The following RBMS3 variants were observed in gnomAD, a reference collection of about 807,000 sequenced individuals.
The protein encoded by RBMS3 is RNA-binding motif, single-stranded-interacting protein 3.
Under a neutral mutation model 66.8 loss-of-function variants are expected in RBMS3, and 27 were observed. The observed-to-expected ratio is 0.40, with a 90% CI of 0.30 to 0.56. The LOEUF is 0.56. RBMS3 is among the 20% of genes least tolerant of loss of function. The pLI, the probability that RBMS3 is intolerant of heterozygous loss-of-function variation, is 0.40. For missense variants in RBMS3, 513 were observed against 549.5 expected (o/e 0.93, Z 0.66); for synonymous variants, 188 against 183.0 (o/e 1.03, Z -0.22).
At chr3:29,832,901 C>T (rs2058411293) in intron 6 of RBMS3, among the ~76,000 whole-genome samples, 1 of 152,158 alleles carries the variant, frequency 6.6e-6, no homozygotes, top group South Asian at 2.1e-4. Context: ...TAATATACCA[C>T]TATGGACAGC....
At chr3:29,841,497 T>C (rs2058663571) in intron 6 of RBMS3, among the ~76,000 whole-genome samples, 1 of 152,014 alleles carries the variant, frequency 6.6e-6, no homozygotes, top group Admixed American at 6.6e-5. Flanking sequence ...CATCCAGATA[T>C]AGACAGGCTA....
In RBMS3 at chr3:29,487,346, G is replaced by T. The variant is rs79988291; in HGVS notation, c.249-1095G>T. Among the ~76,000 whole-genome samples the T allele has an allele frequency of 8.5e-4, 129 of 152,148 alleles. 1 individual carries two copies. The highest frequency in any genetic ancestry group is 2.9e-3 in the African/African-American group (122 of 41,532). On this transcript the variant is annotated intron_variant, in intron 2 of 14. Transcript: ENST00000383767. ...GAAACAAACAAAAAAGCTTCGAACAGGTGAGTATCTGTACAACTAGGTAGA... is the reference window on the plus strand; with the variant it reads ...GAAACAAACAAAAAAGCTTCGAACATGTGAGTATCTGTACAACTAGGTAGA...
At chr3:29,366,120 TAAAG>T (rs151297546) in intron 1 of RBMS3, among the ~76,000 whole-genome samples, 1,612 of 152,336 alleles carry the variant, frequency 0.011, 26 homozygotes, top group African/African-American at 0.036. Context: ...TTGAGACAGA[TAAAG>T]AAATCCTTCT....
At chr3:29,381,075 C>T (rs1429663387) in intron 1 of RBMS3, among the ~76,000 whole-genome samples, 1 of 152,052 alleles carries the variant, frequency 6.6e-6, no homozygotes, top group Admixed American at 6.6e-5. Flanking sequence ...TGTAATTTGC[C>T]TTGTGGAAAT....
chr3:29,739,236 T>G (rs1465489672), intron 4 of RBMS3, among the ~76,000 whole-genome samples: 8 of 152,058 alleles, frequency 5.3e-5, no homozygotes, highest in Non-Finnish European at 7.4e-5. Flanking sequence ...GGCGGATCAC[T>G]AAGTCAGGAG....
At chr3:29,884,465 T>TCC in intron 8 of RBMS3, among the ~76,000 whole-genome samples, 1 of 93,022 alleles carries the variant, frequency 1.1e-5, no homozygotes, top group African/African-American at 3.5e-5. Flanking sequence ...TCTCTCTCTC[T>TCC]CTCTCCCCCC....
chr3:29,826,158 T>A (rs1270332973), intron 6 of RBMS3, among the ~76,000 whole-genome samples: 1 of 152,160 alleles, frequency 6.6e-6, no homozygotes, highest in Non-Finnish European at 1.5e-5. Context: ...GAAAATGAAT[T>A]TTAGTTTTAG....
intron 2 of RBMS3, among the ~76,000 whole-genome samples, chr3:29,444,788 CTTTTTTTTTTTTTTT>C (rs558839351): frequency 0.021 from 1,053 of 50,564 alleles, 68 homozygotes; most frequent in African/African-American, 0.061. Flanking sequence ...AAATATATGC[CTTTTTTTTTTTTTTT>C]TTTTTTTTTG....
intron 4 of RBMS3, among the ~76,000 whole-genome samples, chr3:29,618,216 C>T (rs990146098): frequency 1.4e-4 from 22 of 152,034 alleles, no homozygotes; most frequent in African/African-American, 4.6e-4. Flanking sequence ...CAGAGTAGGC[C>T]GGGTGCAATG....
chr3:29,892,208 A>G (rs2060016543), intron 8 of RBMS3, among the ~76,000 whole-genome samples: 1 of 151,558 alleles, frequency 6.6e-6, no homozygotes, highest in Non-Finnish European at 1.5e-5. Flanking sequence ...TTTCTTGAAA[A>G]TACTAAGTGT....
chr3:29,720,696 C>CTCTGTGTG, intron 4 of RBMS3, among the ~76,000 whole-genome samples: 1 of 147,614 alleles, frequency 6.8e-6, no homozygotes, highest in African/African-American at 2.5e-5. Context: ...CTGTAAGAAT[C>CTCTGTGTG]TGTGTGTGTG....
chr3:29,754,043 T>C lies in RBMS3; in HGVS notation c.558-8867T>C, dbSNP rs1311469917. ...CACGATTTTGGCTGACTGCAACTTC[T>C]GCCTCCCAGGTTCAAGGGATCCTCT... On this transcript the variant is annotated intron_variant, in intron 5 of 14. Coordinates refer to ENST00000383767, the MANE Select transcript of RBMS3 (RefSeq NM_001003793.3). 2.6e-5 allele frequency among the ~76,000 whole-genome samples: 4 copies of C among 152,054 alleles called. No individual in the cohort carries two copies. The East Asian group carries it at 7.7e-4, about 29-fold the overall frequency.
chr3:29,817,942 G>C lies in RBMS3; in HGVS notation c.638-50916G>C, dbSNP rs796925825. Among the ~76,000 whole-genome samples, 9 of 152,164 alleles carry C rather than the reference G, an allele frequency of 5.9e-5. 1 individual carries two copies. The highest frequency in any genetic ancestry group is 1.7e-4 in the African/African-American group (7 of 41,512). On this transcript the variant is annotated intron_variant, in intron 6 of 14. Coordinates refer to ENST00000383767, the MANE Select transcript of RBMS3 (RefSeq NM_001003793.3). ...TTCATTTGTTCCATCGTTTATTGAA[G>C]ATTGATTGCCACCTGCTATATGCTA...
Position 29,897,452 on chromosome 3 carries a change from G to A in RBMS3, c.865G>A (p.Ala289Thr), listed in dbSNP as rs1401134449. The change falls in exon 9 of 15, where the codon GCT becomes ACT. Residue 289 changes from alanine to threonine, a missense_variant. Physicochemically the swap from Ala to Thr is moderately conservative, Grantham distance 58. Coordinates refer to ENST00000383767, the MANE Select transcript of RBMS3 (RefSeq NM_001003793.3). ...GACATCTATCACGCCATTCATTGCT[G>A]CTTCCCCTGTCTCCACATACCAGGT... Reference protein sequence around the residue: ...PQTSITPFIAASPVSTYQVQS... With the variant: ...PQTSITPFIATSPVSTYQVQS... 8 of 1,611,014 alleles carry A rather than the reference G, an allele frequency of 5.0e-6. No homozygotes were observed. The highest frequency in any genetic ancestry group is 6.8e-6 in the Non-Finnish European group (8 of 1,177,950).
chr3:29,722,064 C>T (rs2149322160), intron 4 of RBMS3, among the ~76,000 whole-genome samples: 1 of 152,216 alleles, frequency 6.6e-6, no homozygotes, highest in Admixed American at 6.5e-5. Flanking sequence ...CAAGGGAGGG[C>T]AGTTTGAATG....
chr3:29,752,375 G>A (rs994894866), intron 5 of RBMS3, among the ~76,000 whole-genome samples: 2 of 152,092 alleles, frequency 1.3e-5, no homozygotes, highest in Non-Finnish European at 2.9e-5. Flanking sequence ...TTTGGAAAAG[G>A]CAACATTTGG....
intron 3 of RBMS3, among the ~76,000 whole-genome samples, chr3:29,554,754 C>G (rs1037909307): frequency 3.9e-5 from 6 of 152,070 alleles, no homozygotes; most frequent in Admixed American, 2.0e-4. Flanking sequence ...ATATAAGAAA[C>G]TATGAGTCAT....
chr3:29,436,546 T>G (rs2041411430), intron 2 of RBMS3, among the ~76,000 whole-genome samples: 1 of 152,234 alleles, frequency 6.6e-6, no homozygotes, highest in Non-Finnish European at 1.5e-5. Context: ...AACTTTTTCT[T>G]TTGTTGTTTA....
chr3:29,852,285 T>C (rs1011884173), intron 6 of RBMS3, among the ~76,000 whole-genome samples: 13 of 152,156 alleles, frequency 8.5e-5, no homozygotes, highest in Non-Finnish European at 1.8e-4. Flanking sequence ...CTAAAAGCAA[T>C]TGCAACAAAA....
Sources: allele counts gnomAD v4.1 joint callset (sites outside exome capture counted in the v4.1 genomes callset), GRCh38; gene constraint gnomAD v4.1.1; transcripts MANE v1.5; gene names NCBI Gene and HGNC (gene_info 2026-07-23, HGNC 2026-07-21).